TRMT11: variants seen among roughly 807,000 people sequenced by gnomAD.
TRMT11 encodes tRNA methyltransferase 11.
A neutral mutation model predicts 62.8 loss-of-function variants in TRMT11; 53 were observed. The observed-to-expected ratio is 0.84, with a 90% CI of 0.68 to 1.06. TRMT11 has a LOEUF of 1.06. Ranked by LOEUF, TRMT11 falls within the 50% of genes least tolerant of loss-of-function variation. The probability of loss-of-function intolerance (pLI) is 0.00; values close to 1 mark genes in which losing one functional copy is unlikely to be tolerated. For synonymous variants in TRMT11, 188 were observed against 190.3 expected (o/e 0.99, Z 0.10); for missense variants, 556 against 553.4 (o/e 1.00, Z -0.05).
At chr6:126,261,784 G>A in the TRMT11 span, among the ~76,000 whole-genome samples, 1 of 152,202 alleles carries the variant, frequency 6.6e-6, no homozygotes, top group Non-Finnish European at 1.5e-5. Context: ...CTGTAGGTGG[G>A]AGTGCTGAGC....
At chr6:126,137,242 A>G (rs756343264) in intron 21 of TRMT11, among the ~76,000 whole-genome samples, 6 of 152,050 alleles carry the variant, frequency 3.9e-5, no homozygotes, top group Admixed American at 2.6e-4. Flanking sequence ...TCCATCTGAA[A>G]AGGAATTAAT....
At chr6:126,212,542 T>C in the TRMT11 span, among the ~76,000 whole-genome samples, 3 of 152,290 alleles carry the variant, frequency 2.0e-5, no homozygotes, top group Admixed American at 2.0e-4. Flanking sequence ...ATCAATGATG[T>C]TGAGCACTTT....
rs577338274 is a variant in TRMT11, at chr6:126,145,415, G to C, written c.*1824-29410G>C. Among the ~76,000 whole-genome samples the C allele has an allele frequency of 6.5e-3, 996 of 152,334 alleles. 7 individuals carry two copies. The highest frequency in any genetic ancestry group is 0.01 in the Non-Finnish European group (705 of 68,030). On this transcript the variant is annotated intron_variant and NMD_transcript_variant, in intron 21 of 22. Transcript: ENST00000648977. ...AAGAACGACAGAGAACGCTGGACTA[G>C]CAGGTTGGGAGTAGTCTTAAGAGAG...
At chr6:126,156,913 A>G (rs1486795659) in intron 21 of TRMT11, among the ~76,000 whole-genome samples, 2 of 152,226 alleles carry the variant, frequency 1.3e-5, no homozygotes, top group Non-Finnish European at 1.5e-5. Flanking sequence ...CATCCAAACT[A>G]TATCACTCAT....
the TRMT11 span, among the ~76,000 whole-genome samples, chr6:126,238,009 G>A: frequency 2.0e-5 from 3 of 152,152 alleles, no homozygotes; most frequent in African/African-American, 7.2e-5. Context: ...AGAGGTGTGT[G>A]TAGTATTCTC....
the TRMT11 span, among the ~76,000 whole-genome samples, chr6:126,224,260 C>T: frequency 5.9e-5 from 9 of 152,334 alleles, no homozygotes; most frequent in African/African-American, 1.2e-4. Context: ...CATTTTTCAT[C>T]GTTGTGGGTT....
At chr6:125,990,420 C>T (rs1790417421) in intron 1 of TRMT11, among the ~76,000 whole-genome samples, 1 of 152,252 alleles carries the variant, frequency 6.6e-6, no homozygotes, top group Middle Eastern at 3.4e-3. Flanking sequence ...GGTGGTTCAT[C>T]AAGTATCCTT....
At chr6:126,233,104 T>C in the TRMT11 span, among the ~76,000 whole-genome samples, 1 of 152,166 alleles carries the variant, frequency 6.6e-6, no homozygotes, top group Admixed American at 6.5e-5. Context: ...GTTTTGAACA[T>C]GGATGGGTCA....
rs150184932 is a variant in TRMT11 at position 126,055,461 on chromosome 6, T to C, written c.*1437+2271T>C. 2.6e-3 allele frequency among the ~76,000 whole-genome samples: 403 copies of C among 152,360 alleles called. 1 individual carries two copies. The highest frequency in any genetic ancestry group is 9.4e-3 in the African/African-American group (389 of 41,584). On this transcript the variant is annotated intron_variant and NMD_transcript_variant, in intron 17 of 22. Coordinates refer to the TRMT11 transcript ENST00000648977. ...AGATGAATAAAAGATACATGTCTTA[T>C]GTTGAACAGTTGTACACAGTTCTTG...
At chr6:126,093,631 A>ATATATT (rs1554236842) in intron 17 of TRMT11, among the ~76,000 whole-genome samples, 1 of 98,014 alleles carries the variant, frequency 1.0e-5, no homozygotes, top group East Asian at 3.0e-4. Context: ...ATATATATAT[A>ATATATT]TTTTCCCCCA....
At chr6:126,244,040 GA>G in the TRMT11 span, among the ~76,000 whole-genome samples, 1 of 152,118 alleles carries the variant, frequency 6.6e-6, no homozygotes, top group Non-Finnish European at 1.5e-5. Flanking sequence ...TGAGCCTTTA[GA>G]AAAGAAAGTT....
chr6:126,124,520 C>G (rs1300873592), intron 21 of TRMT11, among the ~76,000 whole-genome samples: 1 of 152,034 alleles, frequency 6.6e-6, no homozygotes, highest in Non-Finnish European at 1.5e-5. Flanking sequence ...TATGGGGTCC[C>G]GAGTCTATTC....
chr6:126,027,632 A>G (rs1478002788), intron 12 of TRMT11, among the ~76,000 whole-genome samples: 1 of 152,078 alleles, frequency 6.6e-6, no homozygotes, highest in Non-Finnish European at 1.5e-5. Context: ...TGTATAAATC[A>G]GTTGTCTTTT....
At chr6:126,236,960 T>A in the TRMT11 span, among the ~76,000 whole-genome samples, 2 of 152,128 alleles carry the variant, frequency 1.3e-5, no homozygotes, top group Non-Finnish European at 2.9e-5. Context: ...TCTGCATCAC[T>A]CACAGGAAAT....
chr6:126,198,451 T>C (rs918939254), intron 1 of TRMT11, among the ~76,000 whole-genome samples: 2 of 152,192 alleles, frequency 1.3e-5, no homozygotes. Context: ...TCTATTTCCA[T>C]ATCTTATTTT....
chr6:125,990,968 C>T lies in TRMT11; in HGVS notation c.73-2789C>T, dbSNP rs548878279. ...TTGCTTAAAAATTTTTTTGGGGGTCCGGGCGCAGTGGCTCACTCCTGTAAT... is the reference window on the plus strand; with the variant it reads ...TTGCTTAAAAATTTTTTTGGGGGTCTGGGCGCAGTGGCTCACTCCTGTAAT... On this transcript the variant is annotated intron_variant, in intron 1 of 12. Coordinates refer to ENST00000334379, the MANE Select transcript of TRMT11 (RefSeq NM_001031712.3). Among the ~76,000 whole-genome samples, 8 of 151,924 alleles carry T rather than the reference C, an allele frequency of 5.3e-5. No individual in the cohort carries two copies. The East Asian group carries it at 5.8e-4, about 11-fold the overall frequency.
At chr6:126,079,819 T>C (rs950361830) in intron 17 of TRMT11, among the ~76,000 whole-genome samples, 2 of 152,104 alleles carry the variant, frequency 1.3e-5, no homozygotes, top group Non-Finnish European at 2.9e-5. Context: ...ACTATGACCA[T>C]GGAGGATGTG....
chr6:126,077,950 C>G (rs566234197), intron 17 of TRMT11, among the ~76,000 whole-genome samples: 57 of 152,232 alleles, frequency 3.7e-4, no homozygotes, highest in African/African-American at 1.3e-3. Flanking sequence ...GTACCTATCC[C>G]CCTGCTGAAC....
Position 126,094,231 on chromosome 6 carries a change from C to T in TRMT11, c.*1438-18635C>T, listed in dbSNP as rs535779898. 2.6e-5 allele frequency among the ~76,000 whole-genome samples: 4 copies of T among 152,274 alleles called. 1 individual carries two copies. In the South Asian group the frequency reaches 8.3e-4, roughly 32 times the overall value. On this transcript the variant is annotated intron_variant and NMD_transcript_variant, in intron 17 of 22. Coordinates refer to the TRMT11 transcript ENST00000648977. ...GAATTTTGTGTGCTTTCCACAGTGA[C>T]AAAATCTCATGTGTCACTTAGAGCA...
Sources: allele counts gnomAD v4.1 joint callset (sites outside exome capture counted in the v4.1 genomes callset), GRCh38; gene constraint gnomAD v4.1.1; transcripts MANE v1.5; gene names NCBI Gene and HGNC (gene_info 2026-07-23, HGNC 2026-07-21).